The following CPED1 variants were observed in gnomAD, a reference collection of about 807,000 sequenced individuals.
The protein encoded by CPED1 is cadherin like and PC-esterase domain containing 1, also known as cadherin-like and PC-esterase domain-containing protein 1.
A neutral mutation model predicts 128.2 loss-of-function variants in CPED1; 114 were observed. The ratio of observed to expected loss-of-function variants is 0.89; its 90% CI spans 0.76 to 1.04. CPED1 has a LOEUF of 1.04. Ranked by LOEUF, CPED1 falls within the 50% of genes least tolerant of loss-of-function variation. The pLI is 0.00. For missense variants in CPED1, 1,211 were observed against 1,207.1 expected, an observed-to-expected ratio of 1.00 and a Z score of -0.05; for synonymous variants, 462 against 426.7, an observed-to-expected ratio of 1.08 and a Z score of -1.02.
At chr7:121,088,786 A>AAAAAT (rs1794507294) in intron 5 of CPED1, among the ~76,000 whole-genome samples, 1 of 143,294 alleles carries the variant, frequency 7.0e-6, no homozygotes, top group East Asian at 1.9e-4. Context: ...AAAAAAAAAA[A>AAAAAT]AAAAAATTGA....
chr7:121,188,059 A>T (rs1045474575), intron 16 of CPED1, among the ~76,000 whole-genome samples: 4 of 152,228 alleles, frequency 2.6e-5, no homozygotes, highest in African/African-American at 9.6e-5. Context: ...GTAACTATTA[A>T]TTTTTTCTAA....
intron 7 of CPED1, among the ~76,000 whole-genome samples, chr7:121,103,980 TA>T (rs1222640912): frequency 6.6e-6 from 1 of 152,142 alleles, no homozygotes; most frequent in Admixed American, 6.6e-5. Flanking sequence ...AGAAGCTTTG[TA>T]AACTATTTTT....
chr7:121,173,755 A>G (rs1310204005), intron 16 of CPED1, among the ~76,000 whole-genome samples: 1 of 151,968 alleles, frequency 6.6e-6, no homozygotes, highest in African/African-American at 2.4e-5. Context: ...CCCAAAAATG[A>G]TATTGCTGGG....
In CPED1 at chr7:121,261,491, T is replaced by C. The variant is rs1792014725; in HGVS notation, c.2311-4736T>C. 2.1e-5 allele frequency: 26 copies of C among 1,233,446 alleles called. No homozygotes were observed. In the South Asian group the frequency reaches 3.4e-4, roughly 16 times the overall value. The allele number at this position is 1,233,446 out of a possible 1,614,324, so 76.4% of individuals were successfully genotyped here. ...TCTTCTCCATAGCACACAACTTGAC[T>C]ATATTTCTCAGTGTCTCCTGACATT... On this transcript the variant is annotated intron_variant, in intron 18 of 22. Coordinates refer to ENST00000310396, the MANE Select transcript of CPED1 (RefSeq NM_024913.5).
chr7:121,286,084 A>G (rs1434861527), intron 22 of CPED1, among the ~76,000 whole-genome samples: 3 of 152,172 alleles, frequency 2.0e-5, no homozygotes, highest in African/African-American at 7.2e-5. Flanking sequence ...AGAAGCAAAC[A>G]CGTCTTTCTT....
At chr7:121,141,034 C>T in intron 15 of CPED1, 21 bp downstream of exon 15, 1 of 1,589,092 alleles carries the variant, frequency 6.3e-7, no homozygotes, top group Non-Finnish European at 8.5e-7. Flanking sequence ...TTGACTGGGG[C>T]TGTGTTGAGA....
At chr7:121,230,514 TCA>T (rs1465869835) in intron 16 of CPED1, among the ~76,000 whole-genome samples, 1 of 152,064 alleles carries the variant, frequency 6.6e-6, no homozygotes, top group Non-Finnish European at 1.5e-5. Context: ...ATCAAGAACA[TCA>T]GCACATATCA....
chr7:121,263,863 A>G lies in CPED1; in HGVS notation c.2311-2364A>G, dbSNP rs188111956. 5.5e-3 allele frequency among the ~76,000 whole-genome samples: 842 copies of G among 152,180 alleles called. 4 individuals carry two copies. The highest frequency in any genetic ancestry group is 0.037 in the Middle Eastern group (11 of 294). On this transcript the variant is annotated intron_variant, in intron 18 of 22. Coordinates refer to ENST00000310396, the MANE Select transcript of CPED1 (RefSeq NM_024913.5). Reference sequence around the variant, plus strand: ...CAAGAAAAACCCACACTGGCAATTTAGTTTAAAAGCTAGATCTCAAAGGTC... The same window carrying G: ...CAAGAAAAACCCACACTGGCAATTTGGTTTAAAAGCTAGATCTCAAAGGTC...
intron 22 of CPED1, among the ~76,000 whole-genome samples, chr7:121,272,831 C>A (rs1262011351): frequency 6.6e-6 from 1 of 151,966 alleles, no homozygotes; most frequent in African/African-American, 2.4e-5. Context: ...TGGCTTAAGG[C>A]AAAAATAAAA....
rs541378783 is a variant in CPED1 at position 121,218,830 on chromosome 7, A to G, written c.2056-17884A>G. Among the ~76,000 whole-genome samples the G allele has an allele frequency of 5.3e-5, 8 of 152,206 alleles. 1 individual carries two copies. Among genetic ancestry groups the G allele is most frequent in the African/African-American group, 1.2e-4 (5 of 41,552 alleles). On this transcript the variant is annotated intron_variant, in intron 16 of 22. Coordinates refer to ENST00000310396, the MANE Select transcript of CPED1 (RefSeq NM_024913.5). ...CATAAAAAACCTGCATGTTCTAAAC[A>G]TGTATCCCAGAACTTAAAGTATAAT...
At chr7:121,246,933 G>A (rs950391975) in intron 18 of CPED1, among the ~76,000 whole-genome samples, 3 of 152,222 alleles carry the variant, frequency 2.0e-5, no homozygotes, top group Non-Finnish European at 2.9e-5. Context: ...TGCATGCTCA[G>A]AAATTCAAAT....
chr7:121,248,888 T>G (rs542062506), intron 18 of CPED1, among the ~76,000 whole-genome samples: 134 of 152,152 alleles, frequency 8.8e-4, no homozygotes, highest in Non-Finnish European at 1.7e-3. Context: ...TCAAAGAAAC[T>G]CATCAAGATT....
intron 3 of CPED1, among the ~76,000 whole-genome samples, chr7:121,035,527 C>A (rs189403117): frequency 9.9e-5 from 15 of 152,008 alleles, no homozygotes; most frequent in Admixed American, 5.2e-4. Flanking sequence ...GTGGCTATAG[C>A]TTTGATGATT....
At chr7:121,155,489 A>G (rs369237125) in intron 16 of CPED1, among the ~76,000 whole-genome samples, 28 of 152,360 alleles carry the variant, frequency 1.8e-4, no homozygotes, top group African/African-American at 6.0e-4. Flanking sequence ...CAAGAACATC[A>G]TAGTACTGGC....
intron 16 of CPED1, among the ~76,000 whole-genome samples, chr7:121,176,194 A>G (rs62468531): frequency 8.4e-5 from 5 of 59,612 alleles, no homozygotes; most frequent in South Asian, 5.8e-4. Context: ...TCCCCGCTGG[A>G]AAAAAAAAAA....
intron 4 of CPED1, among the ~76,000 whole-genome samples, chr7:121,053,069 T>C (rs890006482): frequency 6.6e-6 from 1 of 152,132 alleles, no homozygotes; most frequent in African/African-American, 2.4e-5. Flanking sequence ...ATTGCAAAAA[T>C]AATACAAAGA....
At chr7:121,260,866 A>G (rs1356115114) in intron 18 of CPED1, among the ~76,000 whole-genome samples, 2 of 152,086 alleles carry the variant, frequency 1.3e-5, no homozygotes, top group African/African-American at 4.8e-5. Context: ...AACTGATGTG[A>G]TGCAGGAGGA....
chr7:121,161,923 G>A (rs1180528672), intron 16 of CPED1, among the ~76,000 whole-genome samples: 1 of 152,140 alleles, frequency 6.6e-6, no homozygotes, highest in Non-Finnish European at 1.5e-5. Flanking sequence ...TACCTTACAA[G>A]TTGAGATTCT....
intron 2 of CPED1, among the ~76,000 whole-genome samples, chr7:120,997,926 A>AT (rs1796434808): frequency 7.0e-5 from 8 of 113,900 alleles, no homozygotes; most frequent in African/African-American, 1.1e-4. Flanking sequence ...CGGTCTCGAA[A>AT]AAAAATAAAA....
Sources: gnomAD v4.1 joint callset for allele counts (sites outside exome capture counted in the v4.1 genomes callset) on GRCh38, gnomAD v4.1.1 for gene constraint, MANE v1.5 for transcripts, NCBI Gene and HGNC (gene_info 2026-07-23, HGNC 2026-07-21) for gene names.